The following NAP1L4 variants were observed in gnomAD, a reference collection of about 807,000 sequenced individuals.
NAP1L4 encodes nucleosome assembly protein 1-like 4.
NAP1L4 carries 15 observed loss-of-function variants against 58.2 expected under a neutral mutation model. The observed-to-expected ratio is 0.26, with a 90% CI of 0.17 to 0.40. The LOEUF (loss-of-function observed/expected upper bound fraction) is 0.40, where lower values mean the gene tolerates loss of function less well. NAP1L4 is among the 10% of genes least tolerant of loss of function. The pLI, the probability that NAP1L4 is intolerant of heterozygous loss-of-function variation, is 1.00. For missense variants in NAP1L4, 384 were observed against 451.1 expected, an observed-to-expected ratio of 0.85 and a Z score of 1.35; for synonymous variants, 171 against 155.6, an observed-to-expected ratio of 1.10 and a Z score of -0.74.
At chr11:2,986,602 C>T (rs1349799074) in intron 1 of NAP1L4, among the ~76,000 whole-genome samples, 3 of 150,330 alleles carry the variant, frequency 2.0e-5, no homozygotes, top group Admixed American at 6.7e-5. Context: ...CCTATATATC[C>T]TACAAAATTA....
intron 10 of NAP1L4, among the ~76,000 whole-genome samples, chr11:2,957,569 G>A (rs907453765): frequency 6.6e-6 from 1 of 152,152 alleles, no homozygotes; most frequent in African/African-American, 2.4e-5. Context: ...TTAGTTCATG[G>A]AAACTAAAGA....
chr11:2,945,746 T>C, intron 15 of NAP1L4, 100 bp from the exon 16 acceptor site: 1 of 996,528 alleles, frequency 1.0e-6, no homozygotes. Flanking sequence ...GAGTTCATTC[T>C]CATTGAAAAA....
At chr11:2,989,584 T>G (rs542573845) in intron 1 of NAP1L4, among the ~76,000 whole-genome samples, 1 of 152,166 alleles carries the variant, frequency 6.6e-6, no homozygotes, top group Non-Finnish European at 1.5e-5. Context: ...AGCACTACTA[T>G]ATATACATAC....
chr11:2,961,146 TA>T (rs756870002), intron 8 of NAP1L4, among the ~76,000 whole-genome samples: 1 of 151,844 alleles, frequency 6.6e-6, no homozygotes, highest in African/African-American at 2.4e-5. Flanking sequence ...TTAAGAGGAC[TA>T]AAAAAAATAT....
At chr11:2,956,775 C>A (rs1266236711) in intron 10 of NAP1L4, among the ~76,000 whole-genome samples, 1 of 152,266 alleles carries the variant, frequency 6.6e-6, no homozygotes, top group African/African-American at 2.4e-5. Flanking sequence ...TACTTCTGGA[C>A]TGGCTTTGCA....
At chr11:2,945,704 G>C in intron 15 of NAP1L4, 58 bp from the exon 16 acceptor site, 1 of 1,396,712 alleles carries the variant, frequency 7.2e-7, no homozygotes, top group South Asian at 1.3e-5. Flanking sequence ...TCACCAATTA[G>C]CTCCAATCAA....
At chr11:2,950,272 G>A (rs892713395) in intron 14 of NAP1L4, among the ~76,000 whole-genome samples, 4 of 152,176 alleles carry the variant, frequency 2.6e-5, no homozygotes, top group African/African-American at 9.7e-5. Flanking sequence ...ATTATTCCCA[G>A]AGTAGTCTTT....
chr11:2,974,568 G>A (rs1590254448), intron 4 of NAP1L4, among the ~76,000 whole-genome samples: 1 of 152,210 alleles, frequency 6.6e-6, no homozygotes, highest in South Asian at 2.1e-4. Context: ...AGTAATCTCT[G>A]AGAAGCTTCT....
intron 14 of NAP1L4, among the ~76,000 whole-genome samples, chr11:2,950,555 G>C (rs184065017): frequency 6.6e-6 from 1 of 152,196 alleles, no homozygotes; most frequent in Non-Finnish European, 1.5e-5. Flanking sequence ...AGAGGCAAGT[G>C]AACTACACAT....
chr11:2,972,898 G>T (rs2157773), intron 4 of NAP1L4, among the ~76,000 whole-genome samples: 40,209 of 152,032 alleles, frequency 0.26, 5,702 homozygotes, highest in African/African-American at 0.36. Context: ...TTGAGTCTGT[G>T]AGGTCAAGGC....
intron 7 of NAP1L4, among the ~76,000 whole-genome samples, chr11:2,965,770 T>C (rs929829921): frequency 6.6e-6 from 1 of 152,162 alleles, no homozygotes; most frequent in Non-Finnish European, 1.5e-5. Context: ...GACCTTGTGA[T>C]CCACCCACCT....
intron 7 of NAP1L4, among the ~76,000 whole-genome samples, chr11:2,969,506 C>G (rs1375115995): frequency 2.6e-5 from 4 of 152,124 alleles, no homozygotes; most frequent in Admixed American, 2.0e-4. Context: ...GGCTTTCCCA[C>G]AGGCAAGACA....
In NAP1L4 at chr11:2,946,871, G is replaced by C. The variant is rs1845965836; in HGVS notation, c.*33-1225C>G. ...GCCCAGTGTAGTGGCCAAGAACACT[G>C]AGCCACTGGCCTTAGGAGTGTGGGG... On this transcript the variant is annotated intron_variant, in intron 15 of 15. Coordinates refer to ENST00000380542, the MANE Select transcript of NAP1L4 (RefSeq NM_005969.4). The surrounding 1 kb of genome is among the most constrained non-coding windows in gnomAD (Gnocchi z 4.8). Among the ~76,000 whole-genome samples the C allele has an allele frequency of 6.6e-6, 1 of 152,164 alleles. No individual in the cohort carries two copies. The highest frequency in any genetic ancestry group is 2.4e-5 in the African/African-American group (1 of 41,428).
chr11:2,984,166 C>CAAAAAAAAAAAAAAAA, intron 1 of NAP1L4, among the ~76,000 whole-genome samples: 1 of 80,574 alleles, frequency 1.2e-5, no homozygotes, highest in Non-Finnish European at 2.3e-5. Flanking sequence ...GACCCTGCCT[C>CAAAAAAAAAAAAAAAA]AAAAAAAAAA....
chr11:2,985,573 T>C lies in NAP1L4; in HGVS notation c.-17-6336A>G, dbSNP rs183734064. On this transcript the variant is annotated intron_variant, in intron 1 of 15. Coordinates refer to ENST00000380542, the MANE Select transcript of NAP1L4 (RefSeq NM_005969.4). ...TTGAAAAATTGCTGAGAGTAGATGT[T>C]AAGTGTTCTTGTCAGAATCAGTATA... Among the ~76,000 whole-genome samples, 280 of 152,328 alleles carry C rather than the reference T, an allele frequency of 1.8e-3. 2 individuals are homozygous for C. The highest frequency in any genetic ancestry group is 2.8e-3 in the Non-Finnish European group (191 of 68,024).
Position 2,959,981 on chromosome 11 carries a change from C to A in NAP1L4, c.607-72G>T. 2 of 1,474,200 alleles carry A rather than the reference C, an allele frequency of 1.4e-6. No homozygotes were observed. Among genetic ancestry groups the A allele is most frequent in the South Asian group, 1.2e-5 (1 of 83,018 alleles). 91.3% of individuals were successfully genotyped at this position (1,474,200 alleles called of 1,614,324 possible). On this transcript the variant is annotated intron_variant, in intron 8 of 15. Coordinates refer to ENST00000380542, the MANE Select transcript of NAP1L4 (RefSeq NM_005969.4). The surrounding 1 kb of genome is among the most constrained non-coding windows in gnomAD (Gnocchi z 4.9). ...ACGAGGACAGATTGCTTGGAGTACA[C>A]AACACTTACTAGAAGCTATTTTGGG...
chr11:2,974,698 T>A lies in NAP1L4; in HGVS notation c.173+1326A>T, dbSNP rs561501625. On this transcript the variant is annotated intron_variant, in intron 4 of 15. Coordinates refer to ENST00000380542, the MANE Select transcript of NAP1L4 (RefSeq NM_005969.4). ...ATCACCTGAGGTCAGGAGCTGGAGATCAGCCTGGCCAACATGGCAAATCCC... is the reference window on the plus strand; with the variant it reads ...ATCACCTGAGGTCAGGAGCTGGAGAACAGCCTGGCCAACATGGCAAATCCC... 2.8e-4 allele frequency among the ~76,000 whole-genome samples: 42 copies of A among 152,142 alleles called. 2 individuals carry two copies. Among genetic ancestry groups the A allele is most frequent in the East Asian group, 1.9e-3 (10 of 5,176 alleles).
At chr11:2,989,599 T>C (rs776433505) in intron 1 of NAP1L4, among the ~76,000 whole-genome samples, 6 of 152,330 alleles carry the variant, frequency 3.9e-5, no homozygotes, top group South Asian at 2.1e-4. Flanking sequence ...ACATACATAT[T>C]TGAGGTCACC....
rs1451847406 is a variant in NAP1L4 at position 2,945,542 on chromosome 11, G to C, written c.*137C>G. ...GTCCACGGGATTGTGCTGCGGCAAG[G>C]ACCGAGGCCCCGCCCACAGGCCTGG... On this transcript the variant is annotated 3_prime_UTR_variant, in exon 16 of 16. Coordinates refer to ENST00000380542, the MANE Select transcript of NAP1L4 (RefSeq NM_005969.4). 21 of 1,405,092 alleles carry C rather than the reference G, an allele frequency of 1.5e-5. No homozygotes were observed. The highest frequency in any genetic ancestry group is 2.9e-5 in the African/African-American group (2 of 70,146). The allele number at this position is 1,405,092 out of a possible 1,614,324, so 87.0% of individuals were successfully genotyped here. A position where few individuals can be genotyped will look rare whatever the true frequency, so the allele number is the denominator to read the frequency against.
Sources: allele counts gnomAD v4.1 joint callset (sites outside exome capture counted in the v4.1 genomes callset), GRCh38; gene constraint gnomAD v4.1.1; non-coding constraint Gnocchi (gnomAD v3.1); transcripts MANE v1.5; gene names NCBI Gene and HGNC (gene_info 2026-07-23, HGNC 2026-07-21).